Variants in SOS1 observed in about 807,000 individuals in gnomAD.
The protein encoded by SOS1 is SOS Ras/Rac guanine nucleotide exchange factor 1, also known as son of sevenless homolog 1.
In SOS1, 25 loss-of-function variants were observed where a neutral mutation model predicts 157.6. The ratio of observed to expected loss-of-function variants is 0.16; its 90% CI spans 0.12 to 0.22. The LOEUF is 0.22. SOS1 is among the 10% of genes least tolerant of loss of function. SOS1 has a pLI of 1.00. For missense variants in SOS1, 1,237 were observed against 1,599.1 expected (o/e 0.77, Z 3.86); for synonymous variants, 528 against 534.0 (o/e 0.99, Z 0.16).
chr2:39,026,354 C>CAA (rs761706344), intron 8 of SOS1, among the ~76,000 whole-genome samples: 361 of 21,084 alleles, frequency 0.017, 5 homozygotes, highest in African/African-American at 0.07. Flanking sequence ...GACTCCGTCT[C>CAA]AAAAAAAAAA....
At chr2:39,025,192 C>T (rs559568462) in intron 8 of SOS1, among the ~76,000 whole-genome samples, 2 of 152,218 alleles carry the variant, frequency 1.3e-5, no homozygotes, top group South Asian at 2.1e-4. Context: ...ATCGCTTAAG[C>T]CTACGAGTTT....
intron 1 of SOS1, among the ~76,000 whole-genome samples, chr2:39,107,918 G>A (rs1428165253): frequency 6.6e-6 from 1 of 152,074 alleles, no homozygotes; most frequent in Non-Finnish European, 1.5e-5. Context: ...TGATTATCAA[G>A]GACAGTCCAT....
At chr2:39,076,908 G>C (rs944284986) in intron 1 of SOS1, among the ~76,000 whole-genome samples, 4 of 152,126 alleles carry the variant, frequency 2.6e-5, no homozygotes, top group Non-Finnish European at 5.9e-5. Context: ...TAATAAGTGA[G>C]TTTAGTAAAA....
At chr2:39,062,233 T>G (rs1671429472) in intron 2 of SOS1, among the ~76,000 whole-genome samples, 1 of 151,362 alleles carries the variant, frequency 6.6e-6, no homozygotes, top group Non-Finnish European at 1.5e-5. Flanking sequence ...GCCTGGCCAA[T>G]ACAGTAAAAC....
At chr2:38,996,212 C>T (rs1436777729) in intron 19 of SOS1, among the ~76,000 whole-genome samples, 1 of 152,124 alleles carries the variant, frequency 6.6e-6, no homozygotes, top group Non-Finnish European at 1.5e-5. Flanking sequence ...GCCTCAGCCT[C>T]CCAAGTGGCT....
At chr2:39,072,236 T>G (rs1671818134) in intron 1 of SOS1, among the ~76,000 whole-genome samples, 1 of 152,188 alleles carries the variant, frequency 6.6e-6, no homozygotes. Context: ...GTCTGTTTCC[T>G]TTTTTGGATA....
chr2:39,025,910 T>C (rs1291604475), intron 8 of SOS1, among the ~76,000 whole-genome samples: 1 of 152,232 alleles, frequency 6.6e-6, no homozygotes, highest in Non-Finnish European at 1.5e-5. Context: ...TGGTCAAATA[T>C]TCTAGAAGTA....
At chr2:39,095,691 A>T (rs1191779898) in intron 1 of SOS1, among the ~76,000 whole-genome samples, 1 of 152,224 alleles carries the variant, frequency 6.6e-6, no homozygotes, top group African/African-American at 2.4e-5. Context: ...CTGAGATAAA[A>T]ATTATTTCAG....
At chr2:39,122,447 TACACAC>T (rs70954783), upstream of SOS1, among the ~76,000 whole-genome samples, 83 of 142,192 alleles carry the variant, frequency 5.8e-4, no homozygotes, top group Admixed American at 2.0e-3. Flanking sequence ...AAAAAAAATA[TACACAC>T]ACACACACAC....
intron 9 of SOS1, 57 bp from the exon 10 acceptor site, chr2:39,023,282 T>C (rs1669855566): frequency 6.1e-6 from 8 of 1,307,986 alleles, no homozygotes; most frequent in African/African-American, 4.4e-5. Flanking sequence ...CTAGAGCTCA[T>C]GTAAGTAAGG....
At chr2:39,048,403 CTTT>C (rs918701770) in intron 6 of SOS1, among the ~76,000 whole-genome samples, 1 of 146,880 alleles carries the variant, frequency 6.8e-6, no homozygotes, top group African/African-American at 2.5e-5. Flanking sequence ...TTAAGATTTT[CTTT>C]TTTTTTTTCT....
intron 18 of SOS1, 101 bp from the exon 19 acceptor site, chr2:38,997,139 A>C: frequency 9.4e-7 from 1 of 1,065,592 alleles, no homozygotes; most frequent in Non-Finnish European, 1.4e-6. Flanking sequence ...GTAAATTTGA[A>C]TTATTTCTTT....
intron 3 of SOS1, among the ~76,000 whole-genome samples, chr2:39,057,635 T>C (rs770588346): frequency 1.3e-5 from 2 of 152,076 alleles, no homozygotes; most frequent in East Asian, 1.9e-4. Flanking sequence ...TTAAAATAAA[T>C]TGAAATGATA....
intron 6 of SOS1, among the ~76,000 whole-genome samples, chr2:39,037,791 T>G (rs1027663976): frequency 1.2e-4 from 18 of 152,156 alleles, no homozygotes; most frequent in Admixed American, 1.0e-3. Context: ...CTAGGGCCCT[T>G]AAGGATTGTG....
intron 1 of SOS1, among the ~76,000 whole-genome samples, chr2:39,072,508 T>C (rs1018899319): frequency 1.3e-5 from 2 of 152,184 alleles, no homozygotes; most frequent in African/African-American, 4.8e-5. Context: ...CTAAAACAGA[T>C]GTTAATTATG....
At chr2:39,117,809 G>A (rs137974171) in intron 1 of SOS1, among the ~76,000 whole-genome samples, 1,767 of 152,290 alleles carry the variant, frequency 0.012, 16 homozygotes, top group Non-Finnish European at 0.019. Flanking sequence ...TGAACATACA[G>A]GCTCTACCTG....
In SOS1 at chr2:38,996,926, C is replaced by T. The variant is rs730881032; in HGVS notation, c.3077G>A (p.Arg1026Lys). ...GACAAATATACAAATGCTTACAAATCTTGGGAGAGGCTTAGGGTTTCGTGG... is the reference window on the plus strand; with the variant it reads ...GACAAATATACAAATGCTTACAAATTTTGGGAGAGGCTTAGGGTTTCGTGG... ...IEPRNPKPLPRFPKKYSYPLK... is the reference protein window; with the variant it reads ...IEPRNPKPLPKFPKKYSYPLK... Residue 1026 changes from arginine (R) to lysine (K), a missense_variant, in exon 19 of 23, where the codon AGA becomes AAA. Around this residue, in one of 15 missense-constraint regions of SOS1, gnomAD observed 43 missense variants for 83.0 expected, o/e 0.52. Transcript: ENST00000402219. The T allele has an allele frequency of 2.0e-6, 3 of 1,478,572 alleles. No individual in the cohort carries two copies. The East Asian group carries it at 6.8e-5, about 34-fold the overall frequency. 91.6% of individuals were successfully genotyped at this position (1,478,572 alleles called of 1,614,324 possible). A position where few individuals can be genotyped will look rare whatever the true frequency, so the allele number is the denominator to read the frequency against.
chr2:39,004,139 G>A (rs1272708584), intron 17 of SOS1, among the ~76,000 whole-genome samples: 1 of 152,102 alleles, frequency 6.6e-6, no homozygotes, highest in East Asian at 1.9e-4. Flanking sequence ...TCCCTGGCCG[G>A]GTGCGGTGGC....
chr2:39,109,677 A>G (rs1267368744), intron 1 of SOS1, among the ~76,000 whole-genome samples: 2 of 152,210 alleles, frequency 1.3e-5, no homozygotes, highest in Non-Finnish European at 2.9e-5. Flanking sequence ...TAGTCATAAC[A>G]TCTTGTGCAG....
Sources: gnomAD v4.1 joint callset for allele counts (sites outside exome capture counted in the v4.1 genomes callset) on GRCh38, gnomAD v4.1.1 for gene constraint, gnomAD v4.1.1 regional missense constraint, MANE v1.5 for transcripts, NCBI Gene and HGNC (gene_info 2026-07-23, HGNC 2026-07-21) for gene names.